The following CADM1 variants were observed in gnomAD, a reference collection of about 807,000 sequenced individuals.
CADM1 encodes the protein cell adhesion molecule 1.
CADM1 carries 15 observed loss-of-function variants against 53.1 expected under a neutral mutation model. That is an observed-to-expected ratio of 0.28 (90% CI 0.19 to 0.44). CADM1 has a LOEUF of 0.44. CADM1 is among the 20% of genes least tolerant of loss of function. The pLI is 1.00. For synonymous variants in CADM1, 281 were observed against 243.0 expected (o/e 1.16, Z -1.45); for missense variants, 434 against 611.3 (o/e 0.71, Z 3.06).
At position 115,341,851 on chromosome 11, in the gene CADM1, G is replaced by T. The variant is rs557176145; in HGVS notation, c.125-101431C>A. On this transcript the variant is annotated intron_variant, in intron 1 of 11. Transcript: ENST00000331581. ...AAGTCTAACACATGCTGAAATAACT[G>T]TCAACTCTTATATATGTAACTTAAG... Among the ~76,000 whole-genome samples the T allele has an allele frequency of 2.0e-5, 3 of 152,230 alleles. No homozygotes were observed. The South Asian group carries it at 6.2e-4, about 32-fold the overall frequency.
intron 1 of CADM1, among the ~76,000 whole-genome samples, chr11:115,327,631 A>G (rs1944994361): frequency 6.6e-6 from 1 of 152,228 alleles, no homozygotes; most frequent in South Asian, 2.1e-4. Flanking sequence ...CTGAGACCCA[A>G]CTTCATGACT....
intron 11 of CADM1, 138 bp downstream of exon 11, chr11:115,178,505 TC>T: frequency 1.4e-5 from 11 of 780,362 alleles, no homozygotes; most frequent in South Asian, 5.7e-5. Flanking sequence ...TTTTTTCTCT[TC>T]TCTCTCTTCC....
chr11:115,245,792 T>G (rs1007127774), intron 1 of CADM1, among the ~76,000 whole-genome samples: 2 of 152,222 alleles, frequency 1.3e-5, no homozygotes, highest in African/African-American at 4.8e-5. Flanking sequence ...AACAAAGCCA[T>G]TAAGATTTGA....
At chr11:115,357,938 G>C (rs1294177426) in intron 1 of CADM1, among the ~76,000 whole-genome samples, 2 of 152,160 alleles carry the variant, frequency 1.3e-5, no homozygotes, top group Non-Finnish European at 2.9e-5. Context: ...ACAGACACTA[G>C]ATAATTACTT....
chr11:115,350,637 T>TA (rs11378290), intron 1 of CADM1, among the ~76,000 whole-genome samples: 47,649 of 146,680 alleles, frequency 0.32, 8,655 homozygotes, highest in Non-Finnish European at 0.43. Context: ...CCATACTAAC[T>TA]AAAAAAAAAA....
intron 1 of CADM1, among the ~76,000 whole-genome samples, chr11:115,475,302 A>G (rs887884383): frequency 2.0e-5 from 3 of 151,960 alleles, no homozygotes; most frequent in African/African-American, 7.3e-5. Context: ...CCTTAGGCTA[A>G]GAATTTTTAT....
At chr11:115,452,423 G>C (rs891043669) in intron 1 of CADM1, among the ~76,000 whole-genome samples, 4 of 152,220 alleles carry the variant, frequency 2.6e-5, no homozygotes, top group African/African-American at 9.6e-5. Context: ...CTTCTCCCCA[G>C]ATCAGAAGCG....
At chr11:115,483,654 C>T (rs145987217) in intron 1 of CADM1, among the ~76,000 whole-genome samples, 1 of 152,330 alleles carries the variant, frequency 6.6e-6, no homozygotes, top group African/African-American at 2.4e-5. Flanking sequence ...TAACTCAACC[C>T]TCTTCCAACC....
intron 1 of CADM1, among the ~76,000 whole-genome samples, chr11:115,246,134 C>CT (rs1312075517): frequency 6.6e-6 from 1 of 152,164 alleles, no homozygotes; most frequent in Non-Finnish European, 1.5e-5. Flanking sequence ...GGTGTGACCT[C>CT]TTCAAGACAA....
intron 1 of CADM1, among the ~76,000 whole-genome samples, chr11:115,242,752 G>T (rs1942284746): frequency 6.6e-6 from 1 of 152,172 alleles, no homozygotes; most frequent in Non-Finnish European, 1.5e-5. Context: ...AAAGGTACAT[G>T]TGGAAAGGCC....
chr11:115,175,530 C>A lies in CADM1; in HGVS notation c.*944G>T, dbSNP rs1339068401. 58 of 985,544 alleles carry A rather than the reference C, an allele frequency of 5.9e-5. No individual in the cohort carries two copies. The highest frequency in any genetic ancestry group is 7.0e-5 in the Non-Finnish European group (58 of 829,994). The allele number at this position is 985,544 out of a possible 1,614,324, so 61.0% of individuals were successfully genotyped here. A position where few individuals can be genotyped will look rare whatever the true frequency, so the allele number is the denominator to read the frequency against. The stretch of plus-strand genomic sequence containing the variant: ...ACCAGAGCAGAACTGTATTTCCCCC[C>A]TCCCTACTTCCCCTCCTGTGGCAAC... On this transcript the variant is annotated 3_prime_UTR_variant, in exon 12 of 12. Coordinates refer to ENST00000331581, the MANE Select transcript of CADM1 (RefSeq NM_001301043.2).
intron 1 of CADM1, among the ~76,000 whole-genome samples, chr11:115,432,077 G>T (rs1036795064): frequency 6.6e-6 from 1 of 152,034 alleles, no homozygotes; most frequent in African/African-American, 2.4e-5. Context: ...CTCCCTAGTA[G>T]CTGGGACTAC....
chr11:115,422,583 G>A (rs571648354), intron 1 of CADM1, among the ~76,000 whole-genome samples: 2 of 152,254 alleles, frequency 1.3e-5, no homozygotes, highest in Admixed American at 1.3e-4. Context: ...TGTAGAAGCT[G>A]AACACATCTA....
intron 1 of CADM1, among the ~76,000 whole-genome samples, chr11:115,406,658 G>C (rs946009031): frequency 2.7e-5 from 4 of 150,182 alleles, no homozygotes; most frequent in Non-Finnish European, 4.4e-5. Flanking sequence ...ATGTTAAGAA[G>C]TGATATGGCC....
At chr11:115,465,709 GACTT>G (rs1591273282) in intron 1 of CADM1, among the ~76,000 whole-genome samples, 2 of 152,152 alleles carry the variant, frequency 1.3e-5, no homozygotes, top group South Asian at 4.1e-4. Flanking sequence ...ATCCTGAAGA[GACTT>G]ACTTCAGAAT....
chr11:115,414,511 A>T (rs547219553), intron 1 of CADM1, among the ~76,000 whole-genome samples: 1 of 152,306 alleles, frequency 6.6e-6, no homozygotes, highest in African/African-American at 2.4e-5. Flanking sequence ...CTCTTAAAAA[A>T]AAATAATAAA....
At chr11:115,369,202 A>G (rs183935491) in intron 1 of CADM1, among the ~76,000 whole-genome samples, 137 of 152,216 alleles carry the variant, frequency 9.0e-4, no homozygotes, top group Admixed American at 4.1e-3. Context: ...CTCACTGCAA[A>G]CATGCCACTA....
intron 1 of CADM1, among the ~76,000 whole-genome samples, chr11:115,427,044 A>G (rs1314910918): frequency 4.6e-5 from 7 of 152,182 alleles, no homozygotes; most frequent in Non-Finnish European, 8.8e-5. Flanking sequence ...AACTCTGTTC[A>G]TTAAAAAAAG....
intron 1 of CADM1, among the ~76,000 whole-genome samples, chr11:115,401,990 C>A (rs1455776778): frequency 6.6e-6 from 1 of 151,568 alleles, no homozygotes; most frequent in Non-Finnish European, 1.5e-5. Flanking sequence ...CCCAACACCC[C>A]CACAAAAAAA....
Sources: allele counts gnomAD v4.1 joint callset (sites outside exome capture counted in the v4.1 genomes callset), GRCh38; gene constraint gnomAD v4.1.1; transcripts MANE v1.5; gene names NCBI Gene and HGNC (gene_info 2026-07-23, HGNC 2026-07-21).